Variants in SLC22A23 observed in about 807,000 individuals in gnomAD.
SLC22A23 encodes ion transporter protein.
Under a neutral mutation model 61.0 loss-of-function variants are expected in SLC22A23, and 26 were observed. The observed-to-expected ratio is 0.43, with a 90% CI of 0.31 to 0.59. SLC22A23 has a LOEUF of 0.59. Among genes scored for constraint, SLC22A23 ranks in the 20% least tolerant of loss-of-function variants. The pLI is 0.11. For synonymous variants in SLC22A23, 430 were observed against 413.9 expected (o/e 1.04, Z -0.47); for missense variants, 796 against 934.7 (o/e 0.85, Z 1.94).
At chr6:3,377,522 C>T (rs1162313815) in intron 3 of SLC22A23, among the ~76,000 whole-genome samples, 3 of 152,212 alleles carry the variant, frequency 2.0e-5, no homozygotes, top group South Asian at 4.1e-4. Context: ...CACGTGTGTG[C>T]TCTCTCCAGT....
intron 3 of SLC22A23, among the ~76,000 whole-genome samples, chr6:3,338,665 G>C (rs1041114021): frequency 6.6e-6 from 1 of 152,236 alleles, no homozygotes; most frequent in Non-Finnish European, 1.5e-5. Context: ...AACCTAAAAG[G>C]GTAGAGGAAA....
At chr6:3,426,593 G>A (rs907546542) in intron 1 of SLC22A23, among the ~76,000 whole-genome samples, 1 of 152,180 alleles carries the variant, frequency 6.6e-6, no homozygotes, top group Non-Finnish European at 1.5e-5. Context: ...ACCTGAGATG[G>A]TAAACCAGTT....
intron 1 of SLC22A23, among the ~76,000 whole-genome samples, chr6:3,446,795 C>T (rs761673964): frequency 1.3e-5 from 2 of 152,208 alleles, no homozygotes; most frequent in Non-Finnish European, 2.9e-5. Context: ...ATCGTACGTG[C>T]GGTGTTTGGG....
Position 3,317,394 on chromosome 6 carries a change from G to A in SLC22A23, c.1082+6440C>T, listed in dbSNP as rs143852103. Among the ~76,000 whole-genome samples, 2,205 of 152,252 alleles carry A rather than the reference G, an allele frequency of 0.014. 37 individuals carry two copies. The highest frequency in any genetic ancestry group is 0.059 in the South Asian group (283 of 4,824). ...TTCAGAGCAGCAGCTCTTGCACCCA[G>A]CTCCCTCTTCCATTCTGGCACCTCC... On this transcript the variant is annotated intron_variant, in intron 4 of 9. Coordinates refer to ENST00000406686, the MANE Select transcript of SLC22A23 (RefSeq NM_015482.2). The surrounding 1 kb of genome is among the most constrained non-coding windows in gnomAD (Gnocchi z 4.4).
At chr6:3,418,257 G>A (rs914507099) in intron 1 of SLC22A23, among the ~76,000 whole-genome samples, 2 of 152,236 alleles carry the variant, frequency 1.3e-5, no homozygotes, top group Non-Finnish European at 2.9e-5. Flanking sequence ...GGAGTCATCT[G>A]AAATGCTTTC....
At position 3,271,200 on chromosome 6, in the gene SLC22A23, A is replaced by C. The variant is rs1203058447; in HGVS notation, c.*1855T>G. 1 of 151,638 alleles carries C rather than the reference A, an allele frequency of 6.6e-6. No homozygotes were observed. The highest frequency in any genetic ancestry group is 1.5e-5 in the Non-Finnish European group (1 of 67,954). 9.4% of individuals were successfully genotyped at this position (151,638 alleles called of 1,614,324 possible). ...TAAAGGTGAATGCAAACTAATGTTG[A>C]AACATGGAAATGTGACTTTAAAAAA... is the stretch of plus-strand genomic sequence containing the variant. On this transcript the variant is annotated 3_prime_UTR_variant, in exon 10 of 10. Transcript: ENST00000406686.
chr6:3,438,023 A>G (rs1476314541), intron 1 of SLC22A23, among the ~76,000 whole-genome samples: 1 of 152,084 alleles, frequency 6.6e-6, no homozygotes, highest in Non-Finnish European at 1.5e-5. Flanking sequence ...CACTCCCTCT[A>G]GCCAGATGGG....
chr6:3,284,157 T>C (rs1361253233), intron 8 of SLC22A23, 182 bp from the exon 9 acceptor site: 1 of 532,006 alleles, frequency 1.9e-6, no homozygotes, highest in Non-Finnish European at 3.3e-6. Context: ...GCCCCTGCAG[T>C]GGGTTTTGTG....
intron 3 of SLC22A23, among the ~76,000 whole-genome samples, chr6:3,356,280 T>C (rs917878878): frequency 4.0e-5 from 6 of 151,196 alleles, no homozygotes; most frequent in Non-Finnish European, 5.9e-5. Flanking sequence ...TTCTGGCTCC[T>C]GGAAACATTC....
chr6:3,283,818 G>A (rs748058345), intron 9 of SLC22A23, 34 bp downstream of exon 9: 1 of 1,612,116 alleles, frequency 6.2e-7, no homozygotes, highest in Non-Finnish European at 8.5e-7. Context: ...TTTCCGAGAA[G>A]CCGGCGTCCC....
chr6:3,400,414 C>T (rs1360693836), intron 3 of SLC22A23, among the ~76,000 whole-genome samples: 3 of 152,234 alleles, frequency 2.0e-5, no homozygotes, highest in African/African-American at 7.2e-5. Flanking sequence ...CCGATTATTT[C>T]AGGGCAGTAA....
intron 4 of SLC22A23, among the ~76,000 whole-genome samples, chr6:3,316,947 C>G (rs1762679805): frequency 6.6e-6 from 1 of 152,172 alleles, no homozygotes; most frequent in African/African-American, 2.4e-5. Flanking sequence ...CATGTGTACT[C>G]AGTACCCTTA....
chr6:3,289,720 C>T (rs758435139), intron 6 of SLC22A23, 44 bp downstream of exon 6: 2 of 1,553,332 alleles, frequency 1.3e-6, no homozygotes, highest in South Asian at 1.2e-5. Context: ...ACCTTCTTCC[C>T]TGGCCCCCTC....
At chr6:3,361,202 T>TG (rs1246124715) in intron 3 of SLC22A23, among the ~76,000 whole-genome samples, 1 of 150,352 alleles carries the variant, frequency 6.7e-6, no homozygotes, top group African/African-American at 2.5e-5. Context: ...GTCTTTCTAC[T>TG]GAAAAAAAAG....
At chr6:3,383,050 G>A (rs1767053072) in intron 3 of SLC22A23, among the ~76,000 whole-genome samples, 1 of 152,160 alleles carries the variant, frequency 6.6e-6, no homozygotes, top group African/African-American at 2.4e-5. Flanking sequence ...TGAAGATGGG[G>A]GTGTAAGGGA....
Position 3,272,265 on chromosome 6 carries a change from G to A in SLC22A23, c.*790C>T, listed in dbSNP as rs1325724329. ...CTGCTGGAGCCAATCTGGGAGAGGA[G>A]GAATAAAAACGAGCACATCTCAGGT... On this transcript the variant is annotated 3_prime_UTR_variant, in exon 10 of 10. Coordinates refer to ENST00000406686, the MANE Select transcript of SLC22A23 (RefSeq NM_015482.2). The A allele has an allele frequency of 4.6e-5, 7 of 152,858 alleles. No homozygotes were observed. In the East Asian group the frequency reaches 1.1e-3, roughly 25 times the overall value. 9.5% of individuals were successfully genotyped at this position (152,858 alleles called of 1,614,324 possible). A position where few individuals can be genotyped will look rare whatever the true frequency, so the allele number is the denominator to read the frequency against.
At chr6:3,313,476 C>T (rs1033751511) in intron 4 of SLC22A23, 4 of 152,174 alleles carry the variant, frequency 2.6e-5, no homozygotes, top group African/African-American at 4.8e-5. Flanking sequence ...GCACCTCTTC[C>T]GTTTTCCTTT....
chr6:3,436,123 G>A (rs530122384), intron 1 of SLC22A23, among the ~76,000 whole-genome samples: 5 of 152,124 alleles, frequency 3.3e-5, no homozygotes, highest in African/African-American at 7.2e-5. Context: ...ATTGCAGCCC[G>A]TCCTGTCTCT....
rs1772424395 is a variant in SLC22A23 at position 3,456,636 on chromosome 6, G to C, written c.-77C>G. The C allele has an allele frequency of 4.4e-6, 4 of 917,776 alleles. No individual in the cohort carries two copies. The highest frequency in any genetic ancestry group is 1.8e-5 in the African/African-American group (1 of 55,432). The allele number at this position is 917,776 out of a possible 1,614,324, so 56.9% of individuals were successfully genotyped here. The stretch of plus-strand genomic sequence containing the variant: ...GCGGGCGCCCCGGGCACAGCGCGCC[G>C]GGCCAGGCGCCTGCAGCCGCTGCCG... On this transcript the variant is annotated 5_prime_UTR_variant, in exon 1 of 10. Transcript: ENST00000406686. The surrounding 1 kb of genome is among the most constrained non-coding windows in gnomAD (Gnocchi z 7.1).
Sources: allele counts gnomAD v4.1 joint callset (sites outside exome capture counted in the v4.1 genomes callset), GRCh38; gene constraint gnomAD v4.1.1; non-coding constraint Gnocchi (gnomAD v3.1); transcripts MANE v1.5; gene names NCBI Gene and HGNC (gene_info 2026-07-23, HGNC 2026-07-21).